SEMA3A: variants seen among roughly 807,000 people sequenced by gnomAD.
SEMA3A encodes semaphorin-3A.
In SEMA3A, 29 loss-of-function variants were observed where a neutral mutation model predicts 97.9. The ratio of observed to expected loss-of-function variants is 0.30; its 90% CI spans 0.22 to 0.40. SEMA3A has a LOEUF of 0.40. Ranked by LOEUF, SEMA3A falls within the 10% of genes least tolerant of loss-of-function variation. The pLI, the probability that SEMA3A is intolerant of heterozygous loss-of-function variation, is 1.00. For synonymous variants in SEMA3A, 321 were observed against 323.7 expected, an observed-to-expected ratio of 0.99 and a Z score of 0.09; for missense variants, 763 against 951.3, an observed-to-expected ratio of 0.80 and a Z score of 2.60.
chr7:84,211,736 T>C (rs1798633092), intron 3 of SEMA3A, among the ~76,000 whole-genome samples: 1 of 152,144 alleles, frequency 6.6e-6, no homozygotes, highest in African/African-American at 2.4e-5. Context: ...AGAAAGCAGT[T>C]GAATTTTGAA....
intron 12 of SEMA3A, among the ~76,000 whole-genome samples, chr7:83,998,468 T>C (rs1237619458): frequency 6.6e-6 from 1 of 152,170 alleles, no homozygotes; most frequent in African/African-American, 2.4e-5. Context: ...GACTGGCAGT[T>C]GCTTTGGTCA....
chr7:84,000,552 A>G (rs1790399241), intron 12 of SEMA3A, among the ~76,000 whole-genome samples: 1 of 152,052 alleles, frequency 6.6e-6, no homozygotes, highest in African/African-American at 2.4e-5. Context: ...TGCATTACTG[A>G]TAGTGTTTCT....
intron 4 of SEMA3A, among the ~76,000 whole-genome samples, chr7:84,079,861 C>A (rs1458481720): frequency 7.0e-6 from 1 of 142,836 alleles, no homozygotes; most frequent in Non-Finnish European, 1.5e-5. Context: ...GGGTATATAC[C>A]CAAAGGACTA....
At chr7:84,480,134 T>C (rs1220833996) in intron 1 of SEMA3A, among the ~76,000 whole-genome samples, 1 of 152,214 alleles carries the variant, frequency 6.6e-6, no homozygotes, top group African/African-American at 2.4e-5. Flanking sequence ...CTGAGAACAG[T>C]GCTTCATAGA....
chr7:84,371,652 A>T (rs1173730400), intron 2 of SEMA3A, among the ~76,000 whole-genome samples: 1 of 152,002 alleles, frequency 6.6e-6, no homozygotes, highest in Non-Finnish European at 1.5e-5. Context: ...GAAAAAATCA[A>T]TAAACACCTG....
chr7:84,437,177 T>C (rs567597454), intron 1 of SEMA3A, among the ~76,000 whole-genome samples: 3 of 152,196 alleles, frequency 2.0e-5, no homozygotes, highest in African/African-American at 7.2e-5. Context: ...ATGAATGATC[T>C]ATGGTAATTC....
chr7:84,134,018 G>A (rs1472377860), intron 2 of SEMA3A, among the ~76,000 whole-genome samples: 1 of 151,756 alleles, frequency 6.6e-6, no homozygotes. Context: ...CCAAGATCGC[G>A]CCACTGCACT....
intron 4 of SEMA3A, among the ~76,000 whole-genome samples, chr7:84,085,505 C>A (rs960946639): frequency 6.6e-6 from 1 of 151,892 alleles, no homozygotes; most frequent in Admixed American, 6.6e-5. Context: ...ATGATAGGAA[C>A]TGAACTGAGG....
chr7:84,388,277 C>T (rs933487614), intron 1 of SEMA3A, among the ~76,000 whole-genome samples: 3 of 151,872 alleles, frequency 2.0e-5, no homozygotes, highest in Non-Finnish European at 4.4e-5. Context: ...CTGATATTCT[C>T]GGGGAAGTTG....
chr7:84,292,122 A>G (rs937314773), intron 3 of SEMA3A, among the ~76,000 whole-genome samples: 1 of 151,970 alleles, frequency 6.6e-6, no homozygotes, highest in Non-Finnish European at 1.5e-5. Flanking sequence ...TCTACCTCTA[A>G]CCACTCAACA....
intron 7 of SEMA3A, among the ~76,000 whole-genome samples, chr7:84,012,189 A>G (rs865895819): frequency 6.6e-6 from 1 of 152,300 alleles, no homozygotes. Context: ...AAAATGAATT[A>G]TATTACTGAA....
Position 84,273,692 on chromosome 7 carries a change from A to T in SEMA3A, c.-83+33515T>A, listed in dbSNP as rs190642085. Reference sequence around the variant, plus strand: ...GGGAGCAATTGCATGGTGATTAGACATTCTGTAGTTTAATATATATACATG... The same window carrying T: ...GGGAGCAATTGCATGGTGATTAGACTTTCTGTAGTTTAATATATATACATG... On this transcript the variant is annotated intron_variant, in intron 3 of 3. Transcript: ENST00000424555. 3.9e-5 allele frequency among the ~76,000 whole-genome samples: 6 copies of T among 152,246 alleles called. No homozygotes were observed. In the East Asian group the frequency reaches 1.2e-3, roughly 29 times the overall value.
Position 83,991,483 on chromosome 7 carries a change from A to G in SEMA3A, c.1453-6006T>C, listed in dbSNP as rs977027474. On this transcript the variant is annotated intron_variant, in intron 12 of 16. Coordinates refer to ENST00000265362, the MANE Select transcript of SEMA3A (RefSeq NM_006080.3). ...GTCATAGATAGCTCTTATTATTTTGAAATACGTCCCATCAATACCTAATTT... is the reference window on the plus strand; with the variant it reads ...GTCATAGATAGCTCTTATTATTTTGGAATACGTCCCATCAATACCTAATTT... Among the ~76,000 whole-genome samples the G allele has an allele frequency of 3.6e-4, 54 of 150,662 alleles. 1 individual carries two copies. The highest frequency in any genetic ancestry group is 1.3e-3 in the African/African-American group (53 of 41,268).
intron 2 of SEMA3A, among the ~76,000 whole-genome samples, chr7:84,319,420 G>A (rs531597498): frequency 1.8e-4 from 28 of 152,058 alleles, no homozygotes; most frequent in African/African-American, 6.0e-4. Flanking sequence ...GGGGTAAAGA[G>A]GTAGATTATA....
At chr7:84,437,211 T>C (rs1805155307) in intron 1 of SEMA3A, among the ~76,000 whole-genome samples, 1 of 152,016 alleles carries the variant, frequency 6.6e-6, no homozygotes, top group Non-Finnish European at 1.5e-5. Context: ...TTTTAATGGC[T>C]AAAGGTTCCT....
chr7:83,989,010 G>T (rs1167696423), intron 12 of SEMA3A, among the ~76,000 whole-genome samples: 2 of 151,794 alleles, frequency 1.3e-5, no homozygotes, highest in African/African-American at 4.8e-5. Context: ...TACAATATTG[G>T]AATCAATAAC....
chr7:84,189,887 A>T (rs892637984), intron 1 of SEMA3A, among the ~76,000 whole-genome samples: 1 of 151,734 alleles, frequency 6.6e-6, no homozygotes, highest in African/African-American at 2.4e-5. Flanking sequence ...GGAAAATTAG[A>T]TATCACAGAT....
chr7:84,194,531 C>T lies in SEMA3A; in HGVS notation c.56G>A (p.Arg19Lys), dbSNP rs1164996940. 2 of 1,613,524 alleles carry T rather than the reference C, an allele frequency of 1.2e-6. No homozygotes were observed. Among genetic ancestry groups the T allele is most frequent in the East Asian group, 2.2e-5 (1 of 44,860 alleles). ...GTTCTTCCCATTCTGATAGTTTGCT[C>T]TTGCTGTAAGTAATACTCCCCAGAA... ...CLFWGVLLTA[R>K]ANYQNGKNNV... The change falls in exon 1 of 17, where the codon AGA becomes AAA. Residue 19 changes from arginine to lysine, a missense_variant. Coordinates refer to ENST00000265362, the MANE Select transcript of SEMA3A (RefSeq NM_006080.3).
intron 1 of SEMA3A, among the ~76,000 whole-genome samples, chr7:84,447,059 G>A (rs916718847): frequency 3.3e-5 from 5 of 152,116 alleles, no homozygotes; most frequent in Admixed American, 1.3e-4. Flanking sequence ...TCGGCTCCCC[G>A]TGCCTGCTCT....
Sources: gnomAD v4.1 joint callset for allele counts (sites outside exome capture counted in the v4.1 genomes callset) on GRCh38, gnomAD v4.1.1 for gene constraint, MANE v1.5 for transcripts, NCBI Gene and HGNC (gene_info 2026-07-23, HGNC 2026-07-21) for gene names.